Variants in ABCD2 observed in about 807,000 individuals in gnomAD.
The protein encoded by ABCD2 is ATP binding cassette subfamily D member 2, also known as ATP-binding cassette sub-family D member 2.
In ABCD2, 36 loss-of-function variants were observed where a neutral mutation model predicts 70.9. That is an observed-to-expected ratio of 0.51 (90% CI 0.39 to 0.67). The LOEUF (loss-of-function observed/expected upper bound fraction) is 0.67. ABCD2 is among the 30% of genes least tolerant of loss of function. The probability of loss-of-function intolerance (pLI) is 0.00; values close to 1 mark genes in which losing one functional copy is unlikely to be tolerated. For synonymous variants in ABCD2, 304 were observed against 306.9 expected (o/e 0.99, Z 0.10); for missense variants, 729 against 890.2 (o/e 0.82, Z 2.30).
rs541370632 is a variant in ABCD2 at position 39,604,024 on chromosome 12, T to C, written c.1406-18A>G. On this transcript the variant is annotated intron_variant, in intron 4 of 9. Coordinates refer to ENST00000308666, the MANE Select transcript of ABCD2 (RefSeq NM_005164.4). ...AACTTTTCCTGTAATTAAGAAAAAG[T>C]GTAAGATACAAACATTATCACAGGT... 2.2e-4 allele frequency: 340 copies of C among 1,531,236 alleles called. 3 individuals carry two copies. In the South Asian group the frequency reaches 3.6e-3, roughly 16 times the overall value. 94.9% of individuals were successfully genotyped at this position (1,531,236 alleles called of 1,614,324 possible).
chr12:39,557,848 AC>A (rs1941192829), intron 9 of ABCD2, among the ~76,000 whole-genome samples: 2 of 152,224 alleles, frequency 1.3e-5, no homozygotes, highest in African/African-American at 4.8e-5. Flanking sequence ...GTATGGAAAC[AC>A]CTGGATGTCC....
At chr12:39,534,677 GGGAA>G in the ABCD2 span, among the ~76,000 whole-genome samples, 2 of 80,728 alleles carry the variant, frequency 2.5e-5, no homozygotes, top group East Asian at 3.8e-4. Flanking sequence ...AAGAGAGAGA[GGGAA>G]GGAAGGAAGG....
chr12:39,537,947 T>A, the ABCD2 span, among the ~76,000 whole-genome samples: 2 of 152,170 alleles, frequency 1.3e-5, no homozygotes, highest in African/African-American at 4.8e-5. Flanking sequence ...GGCAGGAGAA[T>A]AGGGTCTGGA....
chr12:39,567,786 G>T (rs189701749), intron 9 of ABCD2, among the ~76,000 whole-genome samples: 1 of 152,086 alleles, frequency 6.6e-6, no homozygotes. Context: ...TCCATGTTTA[G>T]TGCTTCCTTC....
intron 3 of ABCD2, among the ~76,000 whole-genome samples, chr12:39,605,676 G>A (rs527621270): frequency 1.8e-4 from 27 of 152,146 alleles, no homozygotes; most frequent in Non-Finnish European, 3.1e-4. Context: ...AGAACACCTT[G>A]CTATCAGGGT....
chr12:39,546,515 A>T (rs1178692312), downstream of ABCD2, among the ~76,000 whole-genome samples: 1 of 152,164 alleles, frequency 6.6e-6, no homozygotes, highest in African/African-American at 2.4e-5. Flanking sequence ...AATAAGATAA[A>T]TGGAGATAAT....
the ABCD2 span, among the ~76,000 whole-genome samples, chr12:39,539,283 A>G: frequency 4.5e-4 from 68 of 152,326 alleles, no homozygotes; most frequent in African/African-American, 1.6e-3. Flanking sequence ...CTATTCTTCC[A>G]TCATGCATAT....
Position 39,586,053 on chromosome 12 carries a change from T to C in ABCD2, c.1792+99A>G, listed in dbSNP as rs1000577529. 9.1e-6 allele frequency: 10 copies of C among 1,103,610 alleles called. No individual in the cohort carries two copies. In the Admixed American group the frequency reaches 1.8e-4, roughly 20 times the overall value. The allele number at this position is 1,103,610 out of a possible 1,614,324, so 68.4% of individuals were successfully genotyped here. A position where few individuals can be genotyped will look rare whatever the true frequency, so the allele number is the denominator to read the frequency against. ...TTACACTTATGTGCTTATTTCCGAT[T>C]ATAGCATACATTCAAATTAAACCAC... On this transcript the variant is annotated intron_variant, in intron 7 of 9. Coordinates refer to ENST00000308666, the MANE Select transcript of ABCD2 (RefSeq NM_005164.4).
At chr12:39,578,347 A>G (rs910297985) in intron 8 of ABCD2, among the ~76,000 whole-genome samples, 10 of 151,844 alleles carry the variant, frequency 6.6e-5, no homozygotes, top group Non-Finnish European at 8.8e-5. Context: ...GGTGGCGGGC[A>G]CCTGTAGTCC....
In ABCD2 at chr12:39,579,636, A is replaced by T. The variant is rs76340202; in HGVS notation, c.1793-17T>A. ...CATCCCATCCTTAAGAAAATAAAAA[A>T]ATATACATTTTTATAAATCATTTGT... is the stretch of plus-strand genomic sequence containing the variant. On this transcript the variant is annotated splice_polypyrimidine_tract_variant and intron_variant, in intron 7 of 9. Coordinates refer to ENST00000308666, the MANE Select transcript of ABCD2 (RefSeq NM_005164.4). 3.2e-3 allele frequency: 4,942 copies of T among 1,560,702 alleles called. 120 individuals are homozygous for T. The African/African-American group carries it at 0.057, about 18-fold the overall frequency.
At chr12:39,561,808 C>A (rs568778972) in intron 9 of ABCD2, among the ~76,000 whole-genome samples, 181 of 152,206 alleles carry the variant, frequency 1.2e-3, no homozygotes, top group Non-Finnish European at 2.3e-3. Flanking sequence ...GAAAGAAACA[C>A]CAGATTTAAG....
chr12:39,614,020 G>A (rs1381392244), intron 2 of ABCD2, among the ~76,000 whole-genome samples: 2 of 152,132 alleles, frequency 1.3e-5, no homozygotes, highest in Non-Finnish European at 2.9e-5. Context: ...CAGTGATCAT[G>A]TTAGCAAACA....
intron 9 of ABCD2, among the ~76,000 whole-genome samples, chr12:39,558,027 C>A (rs566200106): frequency 6.6e-6 from 1 of 152,300 alleles, no homozygotes; most frequent in South Asian, 2.1e-4. Flanking sequence ...TAACAGCTTG[C>A]ACCATGCACC....
the ABCD2 span, among the ~76,000 whole-genome samples, chr12:39,536,191 A>C: frequency 1.3e-5 from 2 of 152,248 alleles, no homozygotes; most frequent in South Asian, 4.1e-4. Flanking sequence ...CTTTTCACAC[A>C]TATACACAGA....
intron 6 of ABCD2, among the ~76,000 whole-genome samples, chr12:39,596,087 G>C (rs1941811123): frequency 6.6e-6 from 1 of 152,162 alleles, no homozygotes; most frequent in South Asian, 2.1e-4. Context: ...TGTGTTAGAG[G>C]AGAGTAGGAA....
At chr12:39,598,943 C>A (rs1019900947) in intron 6 of ABCD2, among the ~76,000 whole-genome samples, 11 of 152,012 alleles carry the variant, frequency 7.2e-5, no homozygotes, top group African/African-American at 2.4e-4. Context: ...AACATATACC[C>A]AAATGTTCAT....
intron 9 of ABCD2, among the ~76,000 whole-genome samples, chr12:39,566,001 C>G (rs534844025): frequency 2.6e-5 from 4 of 152,226 alleles, no homozygotes; most frequent in Non-Finnish European, 4.4e-5. Flanking sequence ...GGTGGATAAG[C>G]TTTTTGATGT....
chr12:39,535,420 T>C, the ABCD2 span, among the ~76,000 whole-genome samples: 3 of 152,162 alleles, frequency 2.0e-5, no homozygotes, highest in African/African-American at 4.8e-5. Flanking sequence ...AAACTACTTA[T>C]TAAAAAAGAC....
At position 39,554,101 on chromosome 12, in the gene ABCD2, A is replaced by G. The variant is rs1308436435; in HGVS notation, c.2034T>C (p.Asp678=). 3.1e-6 allele frequency: 5 copies of G among 1,613,322 alleles called. No homozygotes were observed. The highest frequency in any genetic ancestry group is 2.7e-5 in the African/African-American group (2 of 74,898). ...WKYHTHLLQF[D]GEGGWRFEQL... ...GTTCAAAGCGCCAACCTCCTTCACC[A>G]TCAAACTGTAATAAATGTGTGTGGT... The change falls in exon 10 of 10, where the codon GAT becomes GAC. Residue 678 remains aspartate, a synonymous_variant. Transcript: ENST00000308666.
Sources: allele counts gnomAD v4.1 joint callset (sites outside exome capture counted in the v4.1 genomes callset), GRCh38; gene constraint gnomAD v4.1.1; transcripts MANE v1.5; gene names NCBI Gene and HGNC (gene_info 2026-07-23, HGNC 2026-07-21).